The following STK4 variants were observed in gnomAD, a reference collection of about 807,000 sequenced individuals.
STK4 encodes serine/threonine kinase 4, also known as serine/threonine-protein kinase 4.
A neutral mutation model predicts 64.9 loss-of-function variants in STK4; 30 were observed. The observed-to-expected ratio is 0.46, with a 90% CI of 0.35 to 0.63. STK4 has a LOEUF of 0.63. Among genes scored for constraint, STK4 ranks in the 20% least tolerant of loss-of-function variants. STK4 has a pLI of 0.01. For synonymous variants in STK4, 177 were observed against 199.0 expected (o/e 0.89, Z 0.93); for missense variants, 466 against 598.5 (o/e 0.78, Z 2.31).
chr20:45,051,354 T>C (rs1161014306), intron 10 of STK4, among the ~76,000 whole-genome samples: 1 of 152,240 alleles, frequency 6.6e-6, no homozygotes, highest in Non-Finnish European at 1.5e-5. Flanking sequence ...TATTTTTCTC[T>C]TTAGTTTCTT....
At chr20:45,072,293 C>G (rs1037265730) in intron 10 of STK4, among the ~76,000 whole-genome samples, 2 of 152,076 alleles carry the variant, frequency 1.3e-5, no homozygotes, top group South Asian at 4.1e-4. Context: ...ACGGGCTTGC[C>G]CAAAGTTGCA....
At chr20:45,048,270 T>G (rs2145432705) in intron 10 of STK4, among the ~76,000 whole-genome samples, 1 of 152,284 alleles carries the variant, frequency 6.6e-6, no homozygotes, top group Middle Eastern at 3.4e-3. Flanking sequence ...ACTTCTGAGT[T>G]ATTGAGAAGA....
At chr20:45,064,428 C>A (rs1457478565) in intron 10 of STK4, among the ~76,000 whole-genome samples, 2 of 150,862 alleles carry the variant, frequency 1.3e-5, no homozygotes, top group African/African-American at 4.9e-5. Flanking sequence ...TTAAAAAATT[C>A]TGTATGAATT....
intron 10 of STK4, among the ~76,000 whole-genome samples, chr20:45,061,990 C>T (rs542071840): frequency 1.3e-5 from 2 of 151,666 alleles, no homozygotes; most frequent in South Asian, 2.1e-4. Context: ...AGCAATTCTC[C>T]TGCTTCAGCC....
In STK4 at chr20:45,075,060, G is replaced by T; in HGVS notation, c.1348G>T (p.Ala450Ser). The T allele has an allele frequency of 6.2e-7, 1 of 1,614,164 alleles. No homozygotes were observed. The highest frequency in any genetic ancestry group is 8.5e-7 in the Non-Finnish European group (1 of 1,180,036). The change falls in exon 11 of 11, where the codon GCC becomes TCC. Residue 450 changes from alanine (A) to serine (S), a missense_variant. Physicochemically the swap from Ala to Ser is moderately conservative, Grantham distance 99. Coordinates refer to ENST00000372806, the MANE Select transcript of STK4 (RefSeq NM_006282.5). The stretch of plus-strand genomic sequence containing the variant: ...GGAGGACCTTCAGAAGAGGCTCTTG[G>T]CCCTGGACCCCATGATGGAGCAGGA... ...TVEDLQKRLLALDPMMEQEIE... is the reference protein window; with the variant it reads ...TVEDLQKRLLSLDPMMEQEIE...
intron 10 of STK4, among the ~76,000 whole-genome samples, chr20:45,054,627 C>G (rs1007549279): frequency 2.7e-5 from 4 of 148,496 alleles, no homozygotes; most frequent in African/African-American, 1.0e-4. Context: ...CAGACAGAAC[C>G]TGATTCAATT....
chr20:45,063,875 T>G (rs1192664870), intron 10 of STK4, among the ~76,000 whole-genome samples: 1 of 151,752 alleles, frequency 6.6e-6, no homozygotes, highest in South Asian at 2.1e-4. Flanking sequence ...TGGTGTGATC[T>G]CGGCTCACTG....
chr20:45,003,341 G>T (rs920753606), intron 9 of STK4, among the ~76,000 whole-genome samples: 11 of 152,112 alleles, frequency 7.2e-5, no homozygotes, highest in Non-Finnish European at 1.5e-4. Context: ...CAAGCCTGGG[G>T]CTCAGATACT....
rs185937146 is a variant in STK4, at chr20:45,034,568, C to T, written c.1305+9438C>T. Reference sequence around the variant, plus strand: ...AGGTTGATCTTATTCTTTCAGAGACCAAAACATACCACAAAACCACAATAA... The same window carrying T: ...AGGTTGATCTTATTCTTTCAGAGACTAAAACATACCACAAAACCACAATAA... On this transcript the variant is annotated intron_variant, in intron 10 of 10. Coordinates refer to ENST00000372806, the MANE Select transcript of STK4 (RefSeq NM_006282.5). Among the ~76,000 whole-genome samples the T allele has an allele frequency of 4.4e-4, 67 of 151,990 alleles. No individual in the cohort carries two copies. In the Middle Eastern group the frequency reaches 0.01, roughly 23 times the overall value.
At chr20:45,069,133 T>A (rs1979836170) in intron 10 of STK4, among the ~76,000 whole-genome samples, 1 of 152,176 alleles carries the variant, frequency 6.6e-6, no homozygotes, top group East Asian at 1.9e-4. Context: ...CATAAGACAT[T>A]AGTACTGTCA....
Position 44,989,351 on chromosome 20 carries a change from T to C in STK4, c.525+2055T>C, listed in dbSNP as rs142189624. Among the ~76,000 whole-genome samples the C allele has an allele frequency of 5.6e-3, 856 of 152,344 alleles. 3 individuals carry two copies. Among genetic ancestry groups the C allele is most frequent in the Non-Finnish European group, 7.9e-3 (537 of 68,024 alleles). ...TTTGTGGTCTTGATTTGCATTTTAC[T>C]AATGACTAGTGATGTCGACTGTCAT... is the stretch of plus-strand genomic sequence containing the variant. On this transcript the variant is annotated intron_variant, in intron 5 of 10. Transcript: ENST00000372806.
At chr20:45,069,926 A>C (rs2145482090) in intron 10 of STK4, among the ~76,000 whole-genome samples, 1 of 152,086 alleles carries the variant, frequency 6.6e-6, no homozygotes. Flanking sequence ...AGAGTCTGAG[A>C]TAGAGGATAA....
intron 10 of STK4, among the ~76,000 whole-genome samples, chr20:45,040,010 T>C (rs891138714): frequency 3.3e-5 from 5 of 151,822 alleles, no homozygotes; most frequent in Non-Finnish European, 5.9e-5. Context: ...ACTTTGAGAA[T>C]TGCTGATCTA....
intron 10 of STK4, among the ~76,000 whole-genome samples, chr20:45,045,716 GTACT>G (rs2068683054): frequency 6.6e-6 from 1 of 151,726 alleles, no homozygotes; most frequent in African/African-American, 2.4e-5. Flanking sequence ...AATTTAATTT[GTACT>G]TTCTTTTGCT....
At chr20:45,012,282 C>T (rs570423564) in intron 9 of STK4, among the ~76,000 whole-genome samples, 1 of 152,288 alleles carries the variant, frequency 6.6e-6, no homozygotes, top group African/African-American at 2.4e-5. Context: ...GATCCGTCCA[C>T]CTCAGCCTCC....
At chr20:45,055,768 T>G (rs1456405881) in intron 10 of STK4, among the ~76,000 whole-genome samples, 5 of 151,870 alleles carry the variant, frequency 3.3e-5, no homozygotes, top group Non-Finnish European at 5.9e-5. Flanking sequence ...AGTCTTGCAC[T>G]GTTGCCCAGG....
At chr20:44,978,805 T>C (rs1277640797) in intron 3 of STK4, among the ~76,000 whole-genome samples, 5 of 151,616 alleles carry the variant, frequency 3.3e-5, no homozygotes, top group African/African-American at 1.2e-4. Flanking sequence ...ATTTTTCTTT[T>C]TTTTTTTTTC....
chr20:44,985,515 G>T (rs956561186), intron 4 of STK4, among the ~76,000 whole-genome samples: 5 of 152,032 alleles, frequency 3.3e-5, no homozygotes, highest in Non-Finnish European at 5.9e-5. Flanking sequence ...GCTAATTTTT[G>T]TATTTTTAGT....
Position 45,078,692 on chromosome 20 carries a change from T to C in STK4, c.*3516T>C, listed in dbSNP as rs1214622562. 9 of 152,008 alleles carry C rather than the reference T, an allele frequency of 5.9e-5. No individual in the cohort carries two copies. The highest frequency in any genetic ancestry group is 5.9e-4 in the Admixed American group (9 of 15,256). 9.4% of individuals were successfully genotyped at this position (152,008 alleles called of 1,614,324 possible). ...GAGTGGATGAGTGGATCGATGGATG[T>C]ATTGATAAATAGATAGAACCAGTCA... On this transcript the variant is annotated 3_prime_UTR_variant, in exon 11 of 11. Coordinates refer to ENST00000372806, the MANE Select transcript of STK4 (RefSeq NM_006282.5).
Sources: allele counts gnomAD v4.1 joint callset (sites outside exome capture counted in the v4.1 genomes callset), GRCh38; gene constraint gnomAD v4.1.1; transcripts MANE v1.5; gene names NCBI Gene and HGNC (gene_info 2026-07-23, HGNC 2026-07-21).